The following EFHB variants were observed in gnomAD, a reference collection of about 807,000 sequenced individuals.
The protein encoded by EFHB is EF-hand domain-containing family member B.
In EFHB, 91 loss-of-function variants were observed where a neutral mutation model predicts 87.2. That is an observed-to-expected ratio of 1.04 (90% CI 0.88 to 1.24). EFHB has a LOEUF of 1.24. Ranked by LOEUF, EFHB falls within the 50% of genes most tolerant of loss-of-function variation. The pLI is 0.00. For synonymous variants in EFHB, 325 were observed against 333.6 expected (o/e 0.97, Z 0.28); for missense variants, 1,084 against 998.8 (o/e 1.09, Z -1.15).
chr3:19,935,220 T>G (rs1347202851), upstream of EFHB, among the ~76,000 whole-genome samples: 1 of 152,148 alleles, frequency 6.6e-6, no homozygotes, highest in Non-Finnish European at 1.5e-5. Context: ...AAACTAAATA[T>G]TTTAAAGTTT....
At chr3:19,893,074 C>T (rs1037389251) in intron 9 of EFHB, among the ~76,000 whole-genome samples, 2 of 151,858 alleles carry the variant, frequency 1.3e-5, no homozygotes, top group African/African-American at 4.8e-5. Flanking sequence ...CCTCAGCTTC[C>T]CGAGTAGCTA....
Position 19,915,307 on chromosome 3 carries a change from A to C in EFHB, c.1284T>G (p.Tyr428Ter), listed in dbSNP as rs1559463847. 1 of 1,608,500 alleles carries C rather than the reference A, an allele frequency of 6.2e-7. No individual in the cohort carries two copies. The highest frequency in any genetic ancestry group is 8.5e-7 in the Non-Finnish European group (1 of 1,175,504). Residue 428 changes from tyrosine (Y) to a stop codon, truncating the protein, a stop_gained, in exon 5 of 13, where the codon TAT becomes TAG. Transcript: ENST00000295824. LOFTEE classifies it high-confidence loss of function. ...TTTGCATCGGAGGACACTTACCTGC[A>C]TAATAATCATTGTGAGAAACAACAT... is the stretch of plus-strand genomic sequence containing the variant. ...DLYVVSHNDY[Y>*]AGEAKNRKYN...
chr3:19,898,280 G>A (rs6550216), intron 8 of EFHB, among the ~76,000 whole-genome samples: 8,233 of 152,220 alleles, frequency 0.054, 671 homozygotes, highest in African/African-American at 0.18. Context: ...AGAGTACAGT[G>A]CTTTCTCATA....
chr3:19,885,417 A>G (rs963667939), intron 10 of EFHB, among the ~76,000 whole-genome samples: 1 of 152,218 alleles, frequency 6.6e-6, no homozygotes, highest in Non-Finnish European at 1.5e-5. Context: ...TGTTTCTACA[A>G]CTAACTCCTG....
At chr3:19,929,637 A>T (rs1380507846) in intron 1 of EFHB, among the ~76,000 whole-genome samples, 1 of 137,400 alleles carries the variant, frequency 7.3e-6, no homozygotes, top group African/African-American at 2.7e-5. Context: ...TGAACCCAGG[A>T]GGCGGAGATT....
chr3:19,938,196 A>C (rs1456908671), upstream of EFHB, among the ~76,000 whole-genome samples: 1 of 152,218 alleles, frequency 6.6e-6, no homozygotes, highest in East Asian at 1.9e-4. Flanking sequence ...GCTGTGATTG[A>C]CTGGGAAAGG....
At chr3:19,911,435 G>A (rs1373792013) in intron 5 of EFHB, among the ~76,000 whole-genome samples, 1 of 152,082 alleles carries the variant, frequency 6.6e-6, no homozygotes, top group East Asian at 1.9e-4. Context: ...GATGGTGCCT[G>A]TAATCCCTGC....
chr3:19,879,963 T>C (rs1245790349), intron 12 of EFHB, among the ~76,000 whole-genome samples, 159 bp from the exon 13 acceptor site: 2 of 152,210 alleles, frequency 1.3e-5, no homozygotes. Context: ...TGCTTGTATA[T>C]ATACATAATG....
At chr3:19,918,098 A>G (rs1021598256) in intron 4 of EFHB, 134 bp downstream of exon 4, 7 of 1,028,558 alleles carry the variant, frequency 6.8e-6, no homozygotes, top group African/African-American at 1.6e-5. Flanking sequence ...CTTTCTTGCA[A>G]CAATCCCATC....
intron 1 of EFHB, among the ~76,000 whole-genome samples, chr3:19,928,054 T>C (rs978312389): frequency 2.0e-5 from 3 of 151,414 alleles, no homozygotes; most frequent in African/African-American, 7.3e-5. Flanking sequence ...CAATTCTTTT[T>C]ATATACTAGC....
Position 19,884,528 on chromosome 3 carries a change from A to G in EFHB, c.2021T>C (p.Leu674Ser). Residue 674 changes from leucine (L) to serine (S), a missense_variant, in exon 11 of 13, where the codon TTA becomes TCA. Coordinates refer to ENST00000295824, the MANE Select transcript of EFHB (RefSeq NM_144715.4). ...TLLIKPEDIVLKEAGSTEKTL... is the reference protein window; with the variant it reads ...TLLIKPEDIVSKEAGSTEKTL... ...CTTTTCTGTGCTTCCTGCTTCTTTT[A>G]AGACAATATCTTCTGGCTTTATGAG... The G allele has an allele frequency of 6.2e-7, 1 of 1,613,938 alleles. No homozygotes were observed. The highest frequency in any genetic ancestry group is 8.5e-7 in the Non-Finnish European group (1 of 1,179,886).
intron 8 of EFHB, among the ~76,000 whole-genome samples, chr3:19,897,585 T>C (rs1694533230): frequency 6.6e-6 from 1 of 152,152 alleles, no homozygotes; most frequent in Non-Finnish European, 1.5e-5. Flanking sequence ...ATTCATGCTA[T>C]AAATATTGAT....
At chr3:19,940,835 C>A in intron 1 of EFHB, 3 of 386,968 alleles carry the variant, frequency 7.8e-6, no homozygotes, top group South Asian at 4.4e-5. Flanking sequence ...TATCCTTGGT[C>A]ATGACATGCT....
chr3:19,899,456 T>C lies in EFHB; in HGVS notation c.1478A>G (p.His493Arg), dbSNP rs1694595367. 1 of 1,605,144 alleles carries C rather than the reference T, an allele frequency of 6.2e-7. No individual in the cohort carries two copies. Among genetic ancestry groups the C allele is most frequent in the Admixed American group, 1.7e-5 (1 of 58,442 alleles). Residue 493 changes from histidine (H) to arginine (R), a missense_variant, in exon 7 of 13, where the codon CAT becomes CGT. His to Arg is a conservative substitution (Grantham distance 29). Transcript: ENST00000295824. ...RADDFKEKFQ[H>R]KLGRVLDPIA... The stretch of plus-strand genomic sequence containing the variant: ...CGGATCTAAAACTCTTCCAAGTTTA[T>C]GTTGAAACTTTTCTTTGAAATCATC...
intron 6 of EFHB, among the ~76,000 whole-genome samples, chr3:19,901,971 C>T (rs1048974792): frequency 2.0e-5 from 3 of 151,662 alleles, no homozygotes; most frequent in African/African-American, 7.3e-5. Context: ...AAAATCAGCT[C>T]CAAGGTACAT....
At chr3:19,903,436 T>C (rs1694738529) in intron 6 of EFHB, among the ~76,000 whole-genome samples, 1 of 152,120 alleles carries the variant, frequency 6.6e-6, no homozygotes, top group East Asian at 1.9e-4. Flanking sequence ...TCTAACCCAT[T>C]GAAAATGGAT....
chr3:19,884,537 T>G lies in EFHB; in HGVS notation c.2012A>C (p.Asp671Ala). The stretch of plus-strand genomic sequence containing the variant: ...GCTTCCTGCTTCTTTTAAGACAATA[T>G]CTTCTGGCTTTATGAGGAGAGTTTG... ...PEQTLLIKPE[D>A]IVLKEAGSTE... Residue 671 changes from aspartate to alanine, a missense_variant, in exon 11 of 13, where the codon GAT (aspartate) becomes GCT (alanine). Physicochemically the swap from Asp to Ala is moderately radical, Grantham distance 126 (BLOSUM62 -2). Coordinates refer to ENST00000295824, the MANE Select transcript of EFHB (RefSeq NM_144715.4). 1 of 1,614,002 alleles carries G rather than the reference T, an allele frequency of 6.2e-7. No homozygotes were observed. Among genetic ancestry groups the G allele is most frequent in the Non-Finnish European group, 8.5e-7 (1 of 1,179,892 alleles).
intron 3 of EFHB, among the ~76,000 whole-genome samples, chr3:19,918,838 G>A (rs1695331367): frequency 6.6e-6 from 1 of 151,358 alleles, no homozygotes; most frequent in Non-Finnish European, 1.5e-5. Flanking sequence ...AAATTAGCCG[G>A]GTGTGCTGGC....
At chr3:19,886,676 CAAAAAAAAAAAAAAAAA>C (rs4020648) in intron 10 of EFHB, among the ~76,000 whole-genome samples, 1 of 61,230 alleles carries the variant, frequency 1.6e-5, no homozygotes, top group African/African-American at 6.4e-5. Flanking sequence ...GACACTGTCT[CAAAAAAAAAAAAAAAAA>C]AAAAAAAAAA....
Sources: gnomAD v4.1 joint callset for allele counts (sites outside exome capture counted in the v4.1 genomes callset) on GRCh38, gnomAD v4.1.1 for gene constraint, MANE v1.5 for transcripts, NCBI Gene and HGNC (gene_info 2026-07-23, HGNC 2026-07-21) for gene names.